NOVA1: variants seen among roughly 807,000 people sequenced by gnomAD.
NOVA1 encodes NOVA alternative splicing regulator 1, also known as RNA-binding protein Nova-1.
In NOVA1, 7 loss-of-function variants were observed where a neutral mutation model predicts 38.0. That is an observed-to-expected ratio of 0.18 (90% confidence interval 0.10 to 0.35). NOVA1 has a LOEUF of 0.35. Among genes scored for constraint, NOVA1 ranks in the 10% least tolerant of loss-of-function variants. NOVA1 has a pLI of 1.00. For synonymous variants in NOVA1, 270 were observed against 232.5 expected (o/e 1.16, Z -1.47); for missense variants, 460 against 616.0 (o/e 0.75, Z 2.68).
At chr14:26,557,432 C>A (rs1328809162) in intron 2 of NOVA1, among the ~76,000 whole-genome samples, 1 of 152,010 alleles carries the variant, frequency 6.6e-6, no homozygotes, top group Non-Finnish European at 1.5e-5. Context: ...GCAGGCTGCT[C>A]ACTGCAGCCT....
intron 2 of NOVA1, among the ~76,000 whole-genome samples, chr14:26,501,800 T>C (rs1887261780): frequency 6.6e-6 from 1 of 151,922 alleles, no homozygotes; most frequent in Non-Finnish European, 1.5e-5. Context: ...CTTCTAAGAC[T>C]TTTCAGCTAT....
At chr14:26,455,188 TGCC>T (rs1368690220) in intron 4 of NOVA1, among the ~76,000 whole-genome samples, 1 of 152,254 alleles carries the variant, frequency 6.6e-6, no homozygotes, top group East Asian at 1.9e-4. Flanking sequence ...TAAAATACCA[TGCC>T]ACCTTGTCTC....
At chr14:26,484,037 A>C (rs1324578814) in intron 2 of NOVA1, among the ~76,000 whole-genome samples, 2 of 152,136 alleles carry the variant, frequency 1.3e-5, no homozygotes, top group African/African-American at 4.8e-5. Context: ...TGTACAGGTA[A>C]AATGTAACTG....
At chr14:26,510,436 G>T (rs1017893592) in intron 2 of NOVA1, among the ~76,000 whole-genome samples, 1 of 152,092 alleles carries the variant, frequency 6.6e-6, no homozygotes, top group African/African-American at 2.4e-5. Context: ...TAAACAACAT[G>T]CATAAAATAA....
At chr14:26,461,894 C>T (rs1297003886) in intron 4 of NOVA1, among the ~76,000 whole-genome samples, 2 of 151,828 alleles carry the variant, frequency 1.3e-5, no homozygotes, top group Middle Eastern at 3.4e-3. Flanking sequence ...GAGCCGAGAT[C>T]GCATCATTGC....
intron 2 of NOVA1, among the ~76,000 whole-genome samples, chr14:26,533,011 A>G (rs1953606116): frequency 6.6e-6 from 1 of 152,224 alleles, no homozygotes. Context: ...TTTCTAACTA[A>G]AAATGTGATC....
At chr14:26,558,105 A>C (rs1339858219) in intron 2 of NOVA1, among the ~76,000 whole-genome samples, 22 of 152,086 alleles carry the variant, frequency 1.4e-4, no homozygotes, top group Non-Finnish European at 1.8e-4. Context: ...GTGGTTACCA[A>C]GGGTGCCTCG....
intron 2 of NOVA1, among the ~76,000 whole-genome samples, chr14:26,504,966 C>A (rs1372556605): frequency 1.3e-5 from 2 of 151,878 alleles, no homozygotes; most frequent in Non-Finnish European, 2.9e-5. Flanking sequence ...AGGGCATGGG[C>A]CTTTGATCTC....
chr14:26,531,757 A>C (rs1889733254), intron 2 of NOVA1, among the ~76,000 whole-genome samples: 2 of 152,322 alleles, frequency 1.3e-5, no homozygotes, highest in South Asian at 4.1e-4. Context: ...GAAGGACACA[A>C]ACAAATAAAT....
At chr14:26,545,551 T>A (rs1028895987) in intron 2 of NOVA1, among the ~76,000 whole-genome samples, 1 of 152,104 alleles carries the variant, frequency 6.6e-6, no homozygotes, top group Non-Finnish European at 1.5e-5. Flanking sequence ...AGAATTTGGA[T>A]TTTATCCTGA....
chr14:26,584,150 CT>C (rs1445641835), intron 2 of NOVA1, among the ~76,000 whole-genome samples: 9 of 151,324 alleles, frequency 5.9e-5, no homozygotes, highest in Non-Finnish European at 1.0e-4. Flanking sequence ...TGTCCTCCAC[CT>C]TTTTTTTCTT....
In NOVA1 at chr14:26,500,234, A is replaced by G. The variant is rs2138401680; in HGVS notation, c.281-20091T>C. On this transcript the variant is annotated intron_variant, in intron 2 of 4. Coordinates refer to ENST00000539517, the MANE Select transcript of NOVA1 (RefSeq NM_002515.3). Reference sequence around the variant, plus strand: ...GAATGTGAGCTGTTTACATATTCATATTCTTATCTTTACACTCACAGCAGC... The same window carrying G: ...GAATGTGAGCTGTTTACATATTCATGTTCTTATCTTTACACTCACAGCAGC... 2.0e-5 allele frequency among the ~76,000 whole-genome samples: 3 copies of G among 152,200 alleles called. No individual in the cohort carries two copies. The South Asian group carries it at 6.2e-4, about 32-fold the overall frequency.
chr14:26,505,534 A>T (rs1037358962), intron 2 of NOVA1, among the ~76,000 whole-genome samples: 1 of 152,180 alleles, frequency 6.6e-6, no homozygotes, highest in Non-Finnish European at 1.5e-5. Flanking sequence ...ATTTTTTAAT[A>T]AATTACCCAG....
intron 2 of NOVA1, chr14:26,593,562 AT>A (rs1396482263): frequency 6.6e-6 from 1 of 151,858 alleles, no homozygotes; most frequent in Non-Finnish European, 1.5e-5. Context: ...TTCAACTCAC[AT>A]TTGATCAGGT....
chr14:26,494,453 G>A (rs28474722), intron 2 of NOVA1, among the ~76,000 whole-genome samples: 1 of 152,184 alleles, frequency 6.6e-6, no homozygotes, highest in Non-Finnish European at 1.5e-5. Context: ...CTGAACAGAT[G>A]TATAGGTGTA....
chr14:26,541,667 A>C (rs1469163211), intron 2 of NOVA1, among the ~76,000 whole-genome samples: 1 of 150,894 alleles, frequency 6.6e-6, no homozygotes, highest in Non-Finnish European at 1.5e-5. Flanking sequence ...GTTCCATCCT[A>C]AGTCGATGTT....
At chr14:26,569,762 AAAAC>A (rs960690161) in intron 2 of NOVA1, among the ~76,000 whole-genome samples, 4 of 152,224 alleles carry the variant, frequency 2.6e-5, no homozygotes, top group Admixed American at 6.5e-5. Context: ...AGCACAGTCT[AAAAC>A]AAATTTCTAG....
intron 2 of NOVA1, among the ~76,000 whole-genome samples, chr14:26,523,840 TC>T (rs1382289413): frequency 7.0e-6 from 1 of 142,162 alleles, no homozygotes; most frequent in Admixed American, 7.5e-5. Flanking sequence ...AAGCTCCGCC[TC>T]CCGGGTTCAC....
chr14:26,456,944 TAC>T (rs573144631), intron 4 of NOVA1, among the ~76,000 whole-genome samples: 88 of 149,684 alleles, frequency 5.9e-4, no homozygotes, highest in Middle Eastern at 3.4e-3. Context: ...TGTATATATA[TAC>T]ACACACACAC....
Sources: gnomAD v4.1 joint callset for allele counts (sites outside exome capture counted in the v4.1 genomes callset) on GRCh38, gnomAD v4.1.1 for gene constraint, MANE v1.5 for transcripts, NCBI Gene and HGNC (gene_info 2026-07-23, HGNC 2026-07-21) for gene names.